The following TRIM4 variants were observed in gnomAD, a reference collection of about 807,000 sequenced individuals.
TRIM4 encodes E3 ubiquitin-protein ligase TRIM4.
Under a neutral mutation model 33.7 loss-of-function variants are expected in TRIM4, and 29 were observed. The ratio of observed to expected loss-of-function variants is 0.86; its 90% confidence interval spans 0.64 to 1.17. The LOEUF (loss-of-function observed/expected upper bound fraction) is 1.17, where lower values mean the gene tolerates loss of function less well. Among genes scored for constraint, TRIM4 ranks in the 50% most tolerant of loss-of-function variants. The pLI is 0.00. For synonymous variants in TRIM4, 224 were observed against 233.0 expected, an observed-to-expected ratio of 0.96 and a Z score of 0.35; for missense variants, 554 against 593.7, an observed-to-expected ratio of 0.93 and a Z score of 0.69.
At position 99,903,291 on chromosome 7, in the gene TRIM4, A is replaced by G; in HGVS notation, c.768T>C (p.Tyr256=). 1.2e-6 allele frequency: 2 copies of G among 1,612,328 alleles called. No individual in the cohort carries two copies. Among genetic ancestry groups the G allele is most frequent in the Non-Finnish European group, 8.5e-7 (1 of 1,178,602 alleles). ...LTRSEIQDVN[Y]SLEAVKVKTV... Reference sequence around the variant, plus strand: ...TCTTCACCTTTACAGCTTCAAGAGAATAGTTCACATCCTGGATCTCACTCC... The same window carrying G: ...TCTTCACCTTTACAGCTTCAAGAGAGTAGTTCACATCCTGGATCTCACTCC... Residue 256 remains tyrosine (Y), a synonymous_variant, in exon 5 of 6, where the codon TAT becomes TAC. Transcript: ENST00000349062.
At chr7:99,892,883 C>T in intron 5 of TRIM4, 137 bp from the exon 6 acceptor site, 1 of 760,860 alleles carries the variant, frequency 1.3e-6, no homozygotes, top group Non-Finnish European at 2.1e-6. Context: ...CCAACTGATC[C>T]TCAGCCAGGC....
intron 1 of TRIM4, among the ~76,000 whole-genome samples, chr7:99,910,571 G>A (rs1042794813): frequency 5.9e-5 from 9 of 152,110 alleles, no homozygotes; most frequent in South Asian, 2.1e-4. Flanking sequence ...ATGCGCATAC[G>A]TGTTTATCTA....
intron 1 of TRIM4, among the ~76,000 whole-genome samples, chr7:99,918,645 A>C (rs1047896889): frequency 6.6e-6 from 1 of 152,110 alleles, no homozygotes; most frequent in African/African-American, 2.4e-5. Flanking sequence ...AAAATATATT[A>C]TTACAATTAA....
rs189758880 is a variant in TRIM4 at position 99,918,040 on chromosome 7, G to C, written c.393+969C>G. Among the ~76,000 whole-genome samples the C allele has an allele frequency of 2.6e-5, 4 of 152,288 alleles. No individual in the cohort carries two copies. The East Asian group carries it at 7.7e-4, about 29-fold the overall frequency. On this transcript the variant is annotated intron_variant, in intron 1 of 5. Coordinates refer to ENST00000349062, the MANE Select transcript of TRIM4 (RefSeq NM_033091.3). The stretch of plus-strand genomic sequence containing the variant: ...ATAATCCCCAAATTCAAATGTTACA[G>C]GATTTTCCCAACTGATGAAGGAAGC...
chr7:99,907,445 G>A lies in TRIM4; in HGVS notation c.720+1137C>T, dbSNP rs1819334049. Among the ~76,000 whole-genome samples, 4 of 152,174 alleles carry A rather than the reference G, an allele frequency of 2.6e-5. No homozygotes were observed. In the South Asian group the frequency reaches 8.3e-4, roughly 31 times the overall value. ...CTTTTTTAATCGTTTCCCTAACTTT[G>A]CATTTCCATTTGCTGATATAATTTT... On this transcript the variant is annotated intron_variant, in intron 3 of 5. Transcript: ENST00000349062.
intron 1 of TRIM4, among the ~76,000 whole-genome samples, chr7:99,915,824 T>C (rs914642515): frequency 3.3e-5 from 5 of 152,104 alleles, no homozygotes; most frequent in African/African-American, 1.2e-4. Flanking sequence ...TGTTGGGCCA[T>C]TGTGTTTAAT....
Position 99,908,601 on chromosome 7 carries a change from G to A in TRIM4, c.701C>T (p.Pro234Leu), listed in dbSNP as rs921437412. Residue 234 changes from proline to leucine, a missense_variant, in exon 3 of 6, where the codon CCC (proline) becomes CTC (leucine). Physicochemically the swap from Pro to Leu is moderately conservative, Grantham distance 98. This residue lies in a region of TRIM4 where 290 missense variants were observed against 335.8 expected (regional missense o/e 0.86). Transcript: ENST00000349062. ...ILEVGEKSQA[P>L]TLELLQNPKE... is the part of the protein sequence containing the mutation. ...TCTCACCTGAAGCAGCTCCAGGGTG[G>A]GAGCCTGGCTCTTCTCCCCCACCTC... The A allele has an allele frequency of 1.2e-6, 2 of 1,612,530 alleles. No homozygotes were observed. The highest frequency in any genetic ancestry group is 2.7e-5 in the African/African-American group (2 of 74,790).
chr7:99,917,790 G>T (rs143101950), intron 1 of TRIM4: 11 of 982,572 alleles, frequency 1.1e-5, no homozygotes, highest in Non-Finnish European at 1.2e-5. Flanking sequence ...AATTCTGCTG[G>T]AGACCACTGG....
chr7:99,918,686 G>A (rs1017853356), intron 1 of TRIM4, among the ~76,000 whole-genome samples: 3 of 152,116 alleles, frequency 2.0e-5, no homozygotes, highest in African/African-American at 7.2e-5. Context: ...TTACCAGAAA[G>A]ATTTTAAATT....
intron 1 of TRIM4, chr7:99,916,722 A>T (rs1314185007): frequency 1.3e-6 from 1 of 780,954 alleles, no homozygotes; most frequent in African/African-American, 1.7e-5. Context: ...AAATGGTACA[A>T]GAGCAGCCTA....
intron 2 of TRIM4, 69 bp from the exon 3 acceptor site, chr7:99,908,881 TC>T (rs1819371237): frequency 7.2e-6 from 10 of 1,397,028 alleles, no homozygotes. Flanking sequence ...CTTACACAAT[TC>T]CCCAGTAATC....
In TRIM4 at chr7:99,919,094, C is replaced by T. The variant is rs916824880; in HGVS notation, c.308G>A (p.Arg103Gln). 6.5e-6 allele frequency: 10 copies of T among 1,538,184 alleles called. No individual in the cohort carries two copies. Among genetic ancestry groups the T allele is most frequent in the Admixed American group, 2.0e-5 (1 of 50,492 alleles). ...CTCCCTGCACACCAGGCACACTGGC[C>T]GCTGGTCGTCCTCGCAGAAGAGCCG... is the stretch of plus-strand genomic sequence containing the variant. ...PLRLFCEDDQ[R>Q]PVCLVCRESQ... The change falls in exon 1 of 6, where the codon CGG becomes CAG. Residue 103 changes from arginine (R) to glutamine (Q), a missense_variant. By Grantham distance (43) the Arg-to-Gln change is conservative. Around this residue, in one of 3 missense-constraint regions of TRIM4, gnomAD observed 233 missense variants for 203.1 expected, o/e 1.15. Transcript: ENST00000349062.
At chr7:99,909,542 T>C (rs769138861) in intron 2 of TRIM4, 23 bp downstream of exon 2, 2 of 1,608,088 alleles carry the variant, frequency 1.2e-6, no homozygotes, top group Non-Finnish European at 1.7e-6. Flanking sequence ...GAGCAAGAAA[T>C]ATCCAACCAC....
At position 99,908,609 on chromosome 7, in the gene TRIM4, G is replaced by A. The variant is rs773637171; in HGVS notation, c.693C>T (p.Ser231=). 7 of 1,613,240 alleles carry A rather than the reference G, an allele frequency of 4.3e-6. No individual in the cohort carries two copies. In the South Asian group the frequency reaches 7.7e-5, roughly 18 times the overall value. ...KKLILEVGEK[S]QAPTLELLQN... is the part of the protein sequence containing the mutation. ...GAAGCAGCTCCAGGGTGGGAGCCTGGCTCTTCTCCCCCACCTCTAAGATGA... is the reference window on the plus strand; with the variant it reads ...GAAGCAGCTCCAGGGTGGGAGCCTGACTCTTCTCCCCCACCTCTAAGATGA... Residue 231 remains serine (S), a synonymous_variant, in exon 3 of 6, where the codon AGC becomes AGT. Transcript: ENST00000349062.
chr7:99,907,114 GT>G (rs1369284820), intron 3 of TRIM4, among the ~76,000 whole-genome samples: 1 of 152,046 alleles, frequency 6.6e-6, no homozygotes, highest in Non-Finnish European at 1.5e-5. Flanking sequence ...TCATCTGTTT[GT>G]TTTGTTTTGT....
Position 99,892,793 on chromosome 7 carries a change from C to T in TRIM4, c.842-47G>A, listed in dbSNP as rs763935971. On this transcript the variant is annotated intron_variant, in intron 5 of 5. Transcript: ENST00000349062. ...AGTAGTGCAGCAGCTTATCATCAAC[C>T]CTTCCCCAGAAATGCCCATCTTTTC... The T allele has an allele frequency of 2.7e-6, 4 of 1,485,604 alleles. No individual in the cohort carries two copies. In the South Asian group the frequency reaches 5.1e-5, roughly 19 times the overall value. 92.0% of individuals were successfully genotyped at this position (1,485,604 alleles called of 1,614,324 possible). A position where few individuals can be genotyped will look rare whatever the true frequency, so the allele number is the denominator to read the frequency against.
At chr7:99,892,872 C>T (rs2151640021) in intron 5 of TRIM4, 126 bp from the exon 6 acceptor site, 1 of 814,556 alleles carries the variant, frequency 1.2e-6, no homozygotes, top group Non-Finnish European at 1.9e-6. Flanking sequence ...TCCACTGCTG[C>T]CCAACTGATC....
chr7:99,896,916 AG>A (rs1461832297), intron 5 of TRIM4, among the ~76,000 whole-genome samples: 1 of 152,256 alleles, frequency 6.6e-6, no homozygotes, highest in Non-Finnish European at 1.5e-5. Flanking sequence ...TGCTTAGAGC[AG>A]CCCCCAAGGT....
At position 99,896,972 on chromosome 7, in the gene TRIM4, T is replaced by C. The variant is rs12537676; in HGVS notation, c.842-4226A>G. Among the ~76,000 whole-genome samples, 1,189 of 152,326 alleles carry C rather than the reference T, an allele frequency of 7.8e-3. 85 individuals carry two copies. Among genetic ancestry groups the C allele is most frequent in the Admixed American group, 0.073 (1,112 of 15,290 alleles). On this transcript the variant is annotated intron_variant, in intron 5 of 5. Coordinates refer to ENST00000349062, the MANE Select transcript of TRIM4 (RefSeq NM_033091.3). ...AGGGTGTACCACTTACAAGATGAGC[T>C]GCAACTAGGGAGATATTAGCTCAGG...
Sources: allele counts gnomAD v4.1 joint callset (sites outside exome capture counted in the v4.1 genomes callset), GRCh38; gene constraint gnomAD v4.1.1; regional missense constraint gnomAD v4.1.1; transcripts MANE v1.5; gene names NCBI Gene and HGNC (gene_info 2026-07-23, HGNC 2026-07-21).